Variants in TTC39B observed in about 807,000 individuals in gnomAD.
TTC39B encodes the protein tetratricopeptide repeat protein 39B.
A neutral mutation model predicts 96.6 loss-of-function variants in TTC39B; 92 were observed. The observed-to-expected ratio is 0.95, with a 90% CI of 0.80 to 1.13. The LOEUF is 1.13. TTC39B is among the 50% of genes most tolerant of loss of function. The pLI, the probability that TTC39B is intolerant of heterozygous loss-of-function variation, is 0.00. For missense variants in TTC39B, 955 were observed against 809.3 expected (o/e 1.18, Z -2.18); for synonymous variants, 367 against 299.4 (o/e 1.23, Z -2.33).
chr9:15,239,952 G>C (rs1821965794), intron 2 of TTC39B, among the ~76,000 whole-genome samples: 1 of 152,088 alleles, frequency 6.6e-6, no homozygotes, highest in Admixed American at 6.6e-5. Context: ...TGAAATGCAG[G>C]ACTCTGACAC....
chr9:15,283,715 C>A (rs1823854516), intron 1 of TTC39B, among the ~76,000 whole-genome samples: 1 of 152,100 alleles, frequency 6.6e-6, no homozygotes, highest in Admixed American at 6.5e-5. Flanking sequence ...AGAATACAGA[C>A]AGGGATTCCT....
intron 1 of TTC39B, among the ~76,000 whole-genome samples, chr9:15,283,634 G>C (rs776038428): frequency 3.9e-5 from 6 of 152,152 alleles, no homozygotes; most frequent in Non-Finnish European, 8.8e-5. Context: ...AAAATTGTAG[G>C]ATTTGCCCTG....
intron 7 of TTC39B, among the ~76,000 whole-genome samples, chr9:15,201,652 G>C (rs1819546062): frequency 6.6e-6 from 1 of 152,170 alleles, no homozygotes; most frequent in African/African-American, 2.4e-5. Flanking sequence ...CACTGCTGAA[G>C]AATCTATTGC....
At chr9:15,279,007 A>T (rs1022805293) in intron 1 of TTC39B, among the ~76,000 whole-genome samples, 2 of 152,230 alleles carry the variant, frequency 1.3e-5, no homozygotes, top group South Asian at 4.1e-4. Flanking sequence ...TAACTTATCC[A>T]TAACTGAGCC....
At chr9:15,237,444 G>C (rs1452810542) in intron 2 of TTC39B, among the ~76,000 whole-genome samples, 2 of 151,928 alleles carry the variant, frequency 1.3e-5, no homozygotes, top group Non-Finnish European at 2.9e-5. Context: ...AAATGATAAA[G>C]GTGATATTAC....
At chr9:15,266,531 A>T (rs1823136579) in intron 2 of TTC39B, among the ~76,000 whole-genome samples, 1 of 152,202 alleles carries the variant, frequency 6.6e-6, no homozygotes, top group East Asian at 1.9e-4. Flanking sequence ...CTGTTTTTGA[A>T]ATAATACCCA....
At chr9:15,294,031 T>G (rs778389364) in intron 1 of TTC39B, among the ~76,000 whole-genome samples, 1 of 152,218 alleles carries the variant, frequency 6.6e-6, no homozygotes, top group African/African-American at 2.4e-5. Flanking sequence ...GATTCACGAA[T>G]CTTTCATTGC....
At chr9:15,173,729 T>G (rs749375242) in intron 19 of TTC39B, among the ~76,000 whole-genome samples, 1 of 152,158 alleles carries the variant, frequency 6.6e-6, no homozygotes, top group Non-Finnish European at 1.5e-5. Context: ...AATATTACTG[T>G]CTCTGTGCTG....
At position 15,225,937 on chromosome 9, in the gene TTC39B, G is replaced by A. The variant is rs546911309; in HGVS notation, c.351C>T (p.Arg117=). The A allele has an allele frequency of 3.1e-5, 50 of 1,613,746 alleles. 1 individual carries two copies. In the East Asian group the frequency reaches 3.1e-4, roughly 10 times the overall value. The stretch of plus-strand genomic sequence containing the variant: ...CTGACCTGCTGACAGTAGACGCTCC[G>A]CGCTGTCTGGGCGCCTGTTGTGTAT... Residue 117 remains arginine, a synonymous_variant, in exon 3 of 20, where the codon CGC becomes CGT. Transcript: ENST00000512701.
At chr9:15,249,895 C>A (rs1822454756) in intron 2 of TTC39B, 18 of 1,245,966 alleles carry the variant, frequency 1.4e-5, no homozygotes, top group Non-Finnish European at 1.7e-5. Flanking sequence ...CCAGGAACTG[C>A]TAAATAAATA....
chr9:15,176,858 A>G (rs1036545164), intron 18 of TTC39B, among the ~76,000 whole-genome samples: 4 of 152,188 alleles, frequency 2.6e-5, no homozygotes, highest in African/African-American at 9.6e-5. Context: ...TGCATTTGTG[A>G]TACAGAGAAA....
At chr9:15,287,903 G>A (rs867564633) in intron 1 of TTC39B, among the ~76,000 whole-genome samples, 16 of 134,100 alleles carry the variant, frequency 1.2e-4, no homozygotes, top group Admixed American at 8.7e-4. Flanking sequence ...CCGATATGGC[G>A]CCACTGCACT....
At chr9:15,195,099 G>A (rs761410003) in intron 8 of TTC39B, among the ~76,000 whole-genome samples, 6 of 152,204 alleles carry the variant, frequency 3.9e-5, no homozygotes, top group African/African-American at 7.2e-5. Flanking sequence ...ACTTGTAAGT[G>A]CAAAAGAAAA....
chr9:15,182,495 T>C, intron 16 of TTC39B, 80 bp from the exon 17 acceptor site: 1 of 996,818 alleles, frequency 1.0e-6, no homozygotes, highest in South Asian at 1.7e-5. Context: ...AATGTTCATG[T>C]GTTTTGCTTC....
At chr9:15,254,241 T>G (rs1822668221) in intron 2 of TTC39B, among the ~76,000 whole-genome samples, 3 of 152,118 alleles carry the variant, frequency 2.0e-5, no homozygotes, top group African/African-American at 4.8e-5. Flanking sequence ...GTCTCAGAAC[T>G]GGGAAATGAC....
rs144800596 is a variant in TTC39B at position 15,236,858 on chromosome 9, G to A, written c.276-10846C>T. On this transcript the variant is annotated intron_variant, in intron 2 of 19. Transcript: ENST00000512701. ...GGAAAGTTTATAGCATTAATTAAAC[G>A]CCTACATCAGAAAGACAGAAAGACC... is the stretch of plus-strand genomic sequence containing the variant. 5.2e-3 allele frequency among the ~76,000 whole-genome samples: 791 copies of A among 152,244 alleles called. 7 individuals carry two copies. Among genetic ancestry groups the A allele is most frequent in the African/African-American group, 0.018 (750 of 41,546 alleles).
At chr9:15,253,638 G>A (rs1408967028) in intron 2 of TTC39B, among the ~76,000 whole-genome samples, 1 of 152,144 alleles carries the variant, frequency 6.6e-6, no homozygotes, top group Admixed American at 6.5e-5. Context: ...TCTTTTAATT[G>A]TCTGCTTATG....
rs78236252 is a variant in TTC39B at position 15,278,320 on chromosome 9, T to C, written c.241-10372A>G. Among the ~76,000 whole-genome samples the C allele has an allele frequency of 7.4e-4, 112 of 152,318 alleles. 3 individuals carry two copies. In the East Asian group the frequency reaches 0.019, roughly 26 times the overall value. On this transcript the variant is annotated intron_variant, in intron 1 of 19. Coordinates refer to ENST00000512701, the Ensembl canonical transcript of TTC39B. ...CAGAGAAATAAGTATATACAAAAAA[T>C]ATGCATAGTGATATATGGTATATAA... is the stretch of plus-strand genomic sequence containing the variant.
intron 1 of TTC39B, among the ~76,000 whole-genome samples, chr9:15,269,219 G>C (rs1482441003): frequency 6.6e-6 from 1 of 152,166 alleles, no homozygotes; most frequent in Admixed American, 6.5e-5. Flanking sequence ...CATTTCATTT[G>C]TTTCATTCAT....
Sources: allele counts gnomAD v4.1 joint callset (sites outside exome capture counted in the v4.1 genomes callset), GRCh38; gene constraint gnomAD v4.1.1; transcripts MANE v1.5; gene names NCBI Gene and HGNC (gene_info 2026-07-23, HGNC 2026-07-21).